Variants in VPS13B observed in about 807,000 individuals in gnomAD.
VPS13B encodes vacuolar protein sorting 13 homolog B.
Under a neutral mutation model 426.4 loss-of-function variants are expected in VPS13B, and 285 were observed. The ratio of observed to expected loss-of-function variants is 0.67; its 90% confidence interval spans 0.61 to 0.74. VPS13B has a LOEUF of 0.74. Ranked by LOEUF, VPS13B falls within the 30% of genes least tolerant of loss-of-function variation. The pLI is 0.00. For missense variants in VPS13B, 4,537 were observed against 4,782.6 expected, an observed-to-expected ratio of 0.95 and a Z score of 1.51; for synonymous variants, 1,676 against 1,676.4, an observed-to-expected ratio of 1.00 and a Z score of 0.01.
chr8:99,722,785 G>A (rs1277951128), intron 39 of VPS13B, among the ~76,000 whole-genome samples: 1 of 152,100 alleles, frequency 6.6e-6, no homozygotes, highest in Non-Finnish European at 1.5e-5. Flanking sequence ...GGGATTACAG[G>A]CGTGAGCCAC....
intron 31 of VPS13B, among the ~76,000 whole-genome samples, chr8:99,566,483 C>G (rs1825195117): frequency 6.6e-6 from 1 of 151,452 alleles, no homozygotes. Flanking sequence ...CTCTGTCACT[C>G]AGGCTGGAGT....
chr8:99,424,915 C>G (rs1305731108), intron 21 of VPS13B, among the ~76,000 whole-genome samples: 1 of 152,122 alleles, frequency 6.6e-6, no homozygotes, highest in East Asian at 1.9e-4. Flanking sequence ...TACACACTAC[C>G]ATCAGAGAAT....
At chr8:99,810,725 T>C (rs964921200) in intron 44 of VPS13B, among the ~76,000 whole-genome samples, 4 of 152,186 alleles carry the variant, frequency 2.6e-5, no homozygotes, top group Non-Finnish European at 5.9e-5. Context: ...TAAATTGCAA[T>C]TTTATGTAAG....
At chr8:99,689,938 GA>G (rs1831579230) in intron 35 of VPS13B, among the ~76,000 whole-genome samples, 1 of 152,132 alleles carries the variant, frequency 6.6e-6, no homozygotes, top group African/African-American at 2.4e-5. Context: ...ATACACCCAA[GA>G]AAAAGACAGT....
intron 15 of VPS13B, among the ~76,000 whole-genome samples, chr8:99,158,511 C>T (rs1030630196): frequency 3.0e-4 from 46 of 152,228 alleles, no homozygotes; most frequent in African/African-American, 9.2e-4. Flanking sequence ...CCAGCCTGGG[C>T]GACAGGGCAA....
intron 17 of VPS13B, among the ~76,000 whole-genome samples, chr8:99,273,897 AAT>A (rs1359315690): frequency 6.6e-6 from 1 of 152,228 alleles, no homozygotes; most frequent in African/African-American, 2.4e-5. Flanking sequence ...TCTAAAACCA[AAT>A]ATGATTTTTA....
At chr8:99,722,080 A>G (rs1332636323) in intron 39 of VPS13B, among the ~76,000 whole-genome samples, 1 of 152,064 alleles carries the variant, frequency 6.6e-6, no homozygotes, top group Non-Finnish European at 1.5e-5. Context: ...GACTCTGCTC[A>G]CCTCTCCAAC....
chr8:99,390,897 G>A (rs774267578), intron 20 of VPS13B, among the ~76,000 whole-genome samples: 1 of 152,126 alleles, frequency 6.6e-6, no homozygotes, highest in Non-Finnish European at 1.5e-5. Context: ...TGAAACAGCT[G>A]CTTTATTGTC....
chr8:99,744,196 C>T (rs1236742301), intron 39 of VPS13B, among the ~76,000 whole-genome samples: 2 of 152,164 alleles, frequency 1.3e-5, no homozygotes, highest in East Asian at 3.8e-4. Context: ...GACATTTATG[C>T]AGCCAAAAGA....
At chr8:99,351,170 A>G (rs1274811860) in intron 19 of VPS13B, among the ~76,000 whole-genome samples, 2 of 152,168 alleles carry the variant, frequency 1.3e-5, no homozygotes, top group Non-Finnish European at 2.9e-5. Context: ...ACAAATCAGT[A>G]CCTAAATGTA....
chr8:99,060,753 G>A (rs1844140259), intron 3 of VPS13B, among the ~76,000 whole-genome samples: 1 of 152,026 alleles, frequency 6.6e-6, no homozygotes, highest in South Asian at 2.1e-4. Flanking sequence ...TATTGAGGAT[G>A]TTTTAGTTCT....
intron 17 of VPS13B, among the ~76,000 whole-genome samples, chr8:99,259,791 C>T (rs1186026804): frequency 6.6e-6 from 1 of 151,982 alleles, no homozygotes; most frequent in Non-Finnish European, 1.5e-5. Flanking sequence ...GGCACATACC[C>T]TTACCTCTGG....
intron 36 of VPS13B, among the ~76,000 whole-genome samples, chr8:99,712,977 T>A (rs1241821385): frequency 6.6e-6 from 1 of 152,198 alleles, no homozygotes; most frequent in African/African-American, 2.4e-5. Flanking sequence ...TTGCAAGTGA[T>A]ATGCATCATA....
At chr8:99,791,316 C>T (rs1812524469) in intron 43 of VPS13B, among the ~76,000 whole-genome samples, 1 of 152,066 alleles carries the variant, frequency 6.6e-6, no homozygotes, top group Admixed American at 6.6e-5. Flanking sequence ...GGTTGACCAC[C>T]AGTTTGCAAA....
rs980296397 is a variant in VPS13B, at chr8:99,148,142, C to T, written c.2013+132C>T. On this transcript the variant is annotated intron_variant, in intron 14 of 61. Coordinates refer to ENST00000357162, the MANE Select transcript of VPS13B (RefSeq NM_152564.5). ...TGTGTAATCCTGGCAATTCAGGAGG[C>T]TGGGGCAGGATGCACACTTGAGGCC... 1.0e-5 allele frequency: 10 copies of T among 987,400 alleles called. No individual in the cohort carries two copies. In the Admixed American group the frequency reaches 1.7e-4, roughly 17 times the overall value. The allele number at this position is 987,400 out of a possible 1,614,324, so 61.2% of individuals were successfully genotyped here.
At chr8:99,248,214 A>G (rs998239826) in intron 17 of VPS13B, among the ~76,000 whole-genome samples, 12 of 152,192 alleles carry the variant, frequency 7.9e-5, no homozygotes, top group Admixed American at 7.9e-4. Context: ...AACATTGTAT[A>G]GTTATGAAAT....
At chr8:99,865,973 TTCC>T (rs1817077638) in intron 58 of VPS13B, among the ~76,000 whole-genome samples, 1 of 152,156 alleles carries the variant, frequency 6.6e-6, no homozygotes, top group African/African-American at 2.4e-5. Flanking sequence ...AATGAAGGCT[TTCC>T]TCCTCCTGCG....
intron 8 of VPS13B, among the ~76,000 whole-genome samples, chr8:99,130,973 A>G (rs996347212): frequency 2.0e-5 from 3 of 152,218 alleles, no homozygotes; most frequent in African/African-American, 7.2e-5. Context: ...CTAGTTCAAG[A>G]ACTTTCATTA....
chr8:99,297,434 A>C (rs1820102563), intron 19 of VPS13B, among the ~76,000 whole-genome samples: 1 of 152,172 alleles, frequency 6.6e-6, no homozygotes, highest in African/African-American at 2.4e-5. Flanking sequence ...TTTCTTATTA[A>C]AATAATGTTT....
Sources: gnomAD v4.1 joint callset for allele counts (sites outside exome capture counted in the v4.1 genomes callset) on GRCh38, gnomAD v4.1.1 for gene constraint, MANE v1.5 for transcripts, NCBI Gene and HGNC (gene_info 2026-07-23, HGNC 2026-07-21) for gene names.